The following CHSY1 variants were observed in gnomAD, a reference collection of about 807,000 sequenced individuals.
CHSY1 encodes N-acetylgalactosaminyl-proteoglycan 3-beta-glucuronosyltransferase 1.
Under a neutral mutation model 59.8 loss-of-function variants are expected in CHSY1, and 13 were observed. That is an observed-to-expected ratio of 0.22 (90% CI 0.14 to 0.35). The LOEUF is 0.35. Among genes scored for constraint, CHSY1 ranks in the 10% least tolerant of loss-of-function variants. The probability of loss-of-function intolerance (pLI) is 1.00; values close to 1 mark genes in which losing one functional copy is unlikely to be tolerated. For missense variants in CHSY1, 947 were observed against 1,030.6 expected (o/e 0.92, Z 1.11); for synonymous variants, 459 against 401.2 (o/e 1.14, Z -1.72).
chr15:101,208,768 CG>C (rs1240768137), intron 2 of CHSY1, among the ~76,000 whole-genome samples: 2 of 149,934 alleles, frequency 1.3e-5, no homozygotes, highest in Non-Finnish European at 3.0e-5. Flanking sequence ...CCACTGGACA[CG>C]TCTAAGGTGA....
intron 2 of CHSY1, among the ~76,000 whole-genome samples, chr15:101,191,680 A>G (rs2038448111): frequency 6.6e-6 from 1 of 152,170 alleles, no homozygotes; most frequent in Non-Finnish European, 1.5e-5. Context: ...GGCAGGCGCC[A>G]CTTGGGAAAT....
At position 101,206,980 on chromosome 15, in the gene CHSY1, C is replaced by G. The variant is rs1257357582; in HGVS notation, c.817-28000G>C. Among the ~76,000 whole-genome samples, 10 of 152,340 alleles carry G rather than the reference C, an allele frequency of 6.6e-5. No individual in the cohort carries two copies. The East Asian group carries it at 1.9e-3, about 29-fold the overall frequency. ...TATGCCACGCATTTCCACTGGCTAT[C>G]CAGTACCACTCTCGCGTGTCAGCAC... On this transcript the variant is annotated intron_variant, in intron 2 of 2. Coordinates refer to ENST00000254190, the MANE Select transcript of CHSY1 (RefSeq NM_014918.5).
chr15:101,236,270 A>T (rs1415632988), intron 1 of CHSY1, among the ~76,000 whole-genome samples: 1 of 151,808 alleles, frequency 6.6e-6, no homozygotes, highest in African/African-American at 2.4e-5. Context: ...CCCAAATCTC[A>T]TCTTGAATGA....
chr15:101,177,784 C>A lies in CHSY1; in HGVS notation c.2013G>T (p.Gly671=), dbSNP rs896474550. 2 of 1,614,066 alleles carry A rather than the reference C, an allele frequency of 1.2e-6. No individual in the cohort carries two copies. Among genetic ancestry groups the A allele is most frequent in the African/African-American group, 1.3e-5 (1 of 74,914 alleles). ...CAAAATGGTTGTCACTGGGAACTTT[C>A]CCACTATAAACAATCTTTGGGTCAT... ...SQYDPKIVYS[G]KVPSDNHFAF... is the part of the protein sequence containing the mutation. The change falls in exon 3 of 3, where the codon GGG becomes GGT. Residue 671 remains glycine, a synonymous_variant. Coordinates refer to ENST00000254190, the MANE Select transcript of CHSY1 (RefSeq NM_014918.5).
intron 2 of CHSY1, among the ~76,000 whole-genome samples, chr15:101,184,934 T>C (rs2038335040): frequency 6.6e-6 from 1 of 152,192 alleles, no homozygotes; most frequent in African/African-American, 2.4e-5. Flanking sequence ...TTTAAAAAAA[T>C]CTAAACTCAC....
At chr15:101,223,446 T>C (rs2038810391) in intron 2 of CHSY1, among the ~76,000 whole-genome samples, 1 of 152,276 alleles carries the variant, frequency 6.6e-6, no homozygotes. Flanking sequence ...CTTTAAAATA[T>C]CTTATAGTTT....
At chr15:101,184,828 AATTT>A (rs1244357422) in intron 2 of CHSY1, among the ~76,000 whole-genome samples, 2 of 152,072 alleles carry the variant, frequency 1.3e-5, no homozygotes, top group African/African-American at 2.4e-5. Flanking sequence ...TACTTTTATT[AATTT>A]ATTATTTATT....
At chr15:101,231,641 T>C (rs759454712) in intron 2 of CHSY1, among the ~76,000 whole-genome samples, 1 of 152,226 alleles carries the variant, frequency 6.6e-6, no homozygotes, top group Non-Finnish European at 1.5e-5. Context: ...AAAGATCTAC[T>C]GGTTGCCTGC....
intron 1 of CHSY1, among the ~76,000 whole-genome samples, chr15:101,243,045 C>CT (rs140140978): frequency 9.2e-5 from 14 of 151,952 alleles, no homozygotes; most frequent in Admixed American, 1.3e-4. Flanking sequence ...GTAAAGAGCC[C>CT]TTTTTTTTCT....
intron 2 of CHSY1, among the ~76,000 whole-genome samples, chr15:101,234,599 T>G (rs2038921956): frequency 6.6e-6 from 1 of 152,246 alleles, no homozygotes; most frequent in South Asian, 2.1e-4. Flanking sequence ...CCGGGCGCCG[T>G]GGCTCACGCC....
At chr15:101,213,425 A>C (rs1458242594) in intron 2 of CHSY1, among the ~76,000 whole-genome samples, 1 of 152,240 alleles carries the variant, frequency 6.6e-6, no homozygotes, top group Non-Finnish European at 1.5e-5. Flanking sequence ...AACTGGAAAA[A>C]AAAATTAGAA....
At chr15:101,185,351 G>A (rs954741100) in intron 2 of CHSY1, among the ~76,000 whole-genome samples, 1 of 151,870 alleles carries the variant, frequency 6.6e-6, no homozygotes, top group Non-Finnish European at 1.5e-5. Context: ...AAGCCCTGAC[G>A]GGCCCCACCA....
At chr15:101,187,377 G>C (rs1244054991) in intron 2 of CHSY1, among the ~76,000 whole-genome samples, 1 of 152,042 alleles carries the variant, frequency 6.6e-6, no homozygotes, top group Non-Finnish European at 1.5e-5. Flanking sequence ...TACTCGGGAG[G>C]GTGAGGTGGG....
intron 1 of CHSY1, among the ~76,000 whole-genome samples, chr15:101,249,765 T>G (rs574428988): frequency 6.6e-6 from 1 of 152,158 alleles, no homozygotes; most frequent in Non-Finnish European, 1.5e-5. Context: ...TCCGCCCGCC[T>G]CGGCCTCCCA....
chr15:101,227,916 A>T (rs1451879738), intron 2 of CHSY1, among the ~76,000 whole-genome samples: 1 of 141,748 alleles, frequency 7.1e-6, no homozygotes, highest in Non-Finnish European at 1.5e-5. Flanking sequence ...AACAAAACCC[A>T]GCAATAACAT....
chr15:101,239,389 C>G (rs2038979018), intron 1 of CHSY1, among the ~76,000 whole-genome samples: 1 of 152,162 alleles, frequency 6.6e-6, no homozygotes, highest in Admixed American at 6.5e-5. Context: ...AAAGAACAAC[C>G]AACTAAGGAG....
chr15:101,193,016 C>T (rs181453648), intron 2 of CHSY1, among the ~76,000 whole-genome samples: 60 of 152,310 alleles, frequency 3.9e-4, no homozygotes, highest in Non-Finnish European at 1.5e-4. Context: ...TACCAAGGAC[C>T]TACCCTGTAT....
At chr15:101,222,210 G>C (rs971506642) in intron 2 of CHSY1, among the ~76,000 whole-genome samples, 1 of 152,174 alleles carries the variant, frequency 6.6e-6, no homozygotes, top group African/African-American at 2.4e-5. Flanking sequence ...TATCCACTTA[G>C]AGTCACAGAG....
intron 2 of CHSY1, chr15:101,188,310 T>C: frequency 4.8e-6 from 2 of 416,266 alleles, no homozygotes; most frequent in Non-Finnish European, 6.4e-6. Context: ...ACATTTAAAT[T>C]ACATTCTCAT....
Sources: allele counts gnomAD v4.1 joint callset (sites outside exome capture counted in the v4.1 genomes callset), GRCh38; gene constraint gnomAD v4.1.1; transcripts MANE v1.5; gene names NCBI Gene and HGNC (gene_info 2026-07-23, HGNC 2026-07-21).